Variants in EP400 observed in about 807,000 individuals in gnomAD.
EP400 encodes the protein E1A binding protein p400.
In EP400, 105 loss-of-function variants were observed where a neutral mutation model predicts 354.1. That is an observed-to-expected ratio of 0.30 (90% CI 0.25 to 0.35). The LOEUF (loss-of-function observed/expected upper bound fraction) is 0.35. Among genes scored for constraint, EP400 ranks in the 10% least tolerant of loss-of-function variants. The pLI is 1.00. For missense variants in EP400, 3,280 were observed against 4,121.0 expected (o/e 0.80, Z 5.59); for synonymous variants, 1,646 against 1,716.9 (o/e 0.96, Z 1.02).
rs1364649108 is a variant in EP400 at position 132,020,210 on chromosome 12, A to C, written c.4439A>C (p.Glu1480Ala). 6.2e-7 allele frequency: 1 copy of C among 1,602,654 alleles called. No homozygotes were observed. The highest frequency in any genetic ancestry group is 8.5e-7 in the Non-Finnish European group (1 of 1,174,846). The change falls in exon 22 of 53, where the codon GAG (glutamate) becomes GCG (alanine). Residue 1480 changes from glutamate to alanine, a missense_variant. Physicochemically the swap from Glu to Ala is moderately radical, Grantham distance 107 (BLOSUM62 -1). This residue lies in a region of EP400 where 342 missense variants were observed against 342.7 expected (regional missense o/e 1.00). Transcript: ENST00000389561. The stretch of plus-strand genomic sequence containing the variant: ...ATCGCCACGTTCTCTGCCAATCCGG[A>C]GGCAAAAGGTAGACTTCACGTAGTT... ...PPIATFSANP[E>A]AKAAAAPFQT...
At chr12:131,968,413 T>G (rs1315118749) in intron 2 of EP400, among the ~76,000 whole-genome samples, 1 of 152,230 alleles carries the variant, frequency 6.6e-6, no homozygotes, top group East Asian at 1.9e-4. Context: ...CTGGATTCTC[T>G]TCTCTTCCCG....
chr12:131,954,183 A>G (rs187676110), intron 1 of EP400, among the ~76,000 whole-genome samples: 260 of 152,206 alleles, frequency 1.7e-3, no homozygotes, highest in Admixed American at 2.7e-3. Flanking sequence ...ACATTTTACC[A>G]TACCTGCTTC....
At position 131,982,179 on chromosome 12, in the gene EP400, G is replaced by A. The variant is rs190189185; in HGVS notation, c.1630G>A (p.Val544Met). Reference protein sequence around the residue: ...QQYDPSTGPPVQNAASLHTPL... With the variant: ...QQYDPSTGPPMQNAASLHTPL... ...GTATGACCCCTCCACGGGGCCTCCC[G>A]TGCAGAACGCTGCCAGCTTGCACAC... Residue 544 changes from valine (V) to methionine (M), a missense_variant, in exon 5 of 53, where the codon GTG (valine) becomes ATG (methionine). Physicochemically the swap from Val to Met is conservative, Grantham distance 21. This residue lies in a region of EP400 where 800 missense variants were observed against 840.0 expected (regional missense o/e 0.95). Coordinates refer to ENST00000389561, the MANE Select transcript of EP400 (RefSeq NM_015409.5). The A allele has an allele frequency of 1.2e-5, 20 of 1,612,904 alleles. No individual in the cohort carries two copies. Among genetic ancestry groups the A allele is most frequent in the Non-Finnish European group, 8.5e-7 (1 of 1,179,504 alleles).
intron 43 of EP400, among the ~76,000 whole-genome samples, 157 bp downstream of exon 43, chr12:132,053,754 C>T (rs1293326997): frequency 2.0e-5 from 3 of 152,242 alleles, no homozygotes; most frequent in Admixed American, 6.5e-5. Context: ...AAGGCTTAGT[C>T]TCATCCCAGA....
At position 132,020,115 on chromosome 12, in the gene EP400, C is replaced by G; in HGVS notation, c.4344C>G (p.His1448Gln). ...EGRTVAFPSTHPPRTAAPTTA... is the reference protein window; with the variant it reads ...EGRTVAFPSTQPPRTAAPTTA... The stretch of plus-strand genomic sequence containing the variant: ...GCACCGTGGCTTTCCCCAGCACTCA[C>G]CCGCCCCGGACGGCAGCCCCCACCA... The change falls in exon 22 of 53, where the codon CAC becomes CAG. Residue 1448 changes from histidine to glutamine, a missense_variant. Coordinates refer to ENST00000389561, the MANE Select transcript of EP400 (RefSeq NM_015409.5). The G allele has an allele frequency of 6.8e-6, 11 of 1,610,392 alleles. No homozygotes were observed. Among genetic ancestry groups the G allele is most frequent in the African/African-American group, 1.3e-5 (1 of 74,954 alleles).
intron 2 of EP400, among the ~76,000 whole-genome samples, chr12:131,978,861 T>C (rs886602096): frequency 1.3e-5 from 2 of 152,132 alleles, no homozygotes; most frequent in Non-Finnish European, 2.9e-5. Flanking sequence ...TCTATTTATA[T>C]CTCTATATAT....
chr12:131,953,928 C>T (rs995520528), intron 1 of EP400, among the ~76,000 whole-genome samples: 4 of 151,574 alleles, frequency 2.6e-5, no homozygotes, highest in South Asian at 4.2e-4. Context: ...CCCTGGCCAA[C>T]GTGGTGAAAC....
rs60226464 is a variant in EP400, at chr12:132,058,353, A to ATTT, written c.7884+3162_7884+3164dup. Among the ~76,000 whole-genome samples the ATTT allele has an allele frequency of 1.3e-4, 17 of 129,560 alleles. 1 individual carries two copies. The highest frequency in any genetic ancestry group is 3.9e-4 in the African/African-American group (13 of 33,470). 85.0% of individuals were successfully genotyped at this position (129,560 alleles called of 152,430 possible). ...CTTTGGATATTGGGCTAAAGATTGG[A>ATTT]TTTTTTTTTTTTTTTTTTTGAGACA... On this transcript the variant is annotated intron_variant, in intron 45 of 52. Transcript: ENST00000389561.
Position 132,064,393 on chromosome 12 carries a change from A to G in EP400, c.8335-275A>G, listed in dbSNP as rs146193278. 2.2e-3 allele frequency among the ~76,000 whole-genome samples: 331 copies of G among 152,338 alleles called. 1 individual carries two copies. Among genetic ancestry groups the G allele is most frequent in the African/African-American group, 6.1e-3 (255 of 41,586 alleles). On this transcript the variant is annotated intron_variant, in intron 47 of 52. Coordinates refer to ENST00000389561, the MANE Select transcript of EP400 (RefSeq NM_015409.5). ...AGTTTGGTTGGTGCTACAGATTTAA[A>G]TCGACTTGTTTGTGAGGATAATAGA...
chr12:131,973,068 A>C (rs1892353358), intron 2 of EP400, among the ~76,000 whole-genome samples: 1 of 152,212 alleles, frequency 6.6e-6, no homozygotes, highest in African/African-American at 2.4e-5. Flanking sequence ...ATACCAGTTG[A>C]AACAAATGAA....
intron 12 of EP400, among the ~76,000 whole-genome samples, chr12:131,997,609 T>C (rs1326883340): frequency 6.6e-6 from 1 of 152,064 alleles, no homozygotes; most frequent in East Asian, 1.9e-4. Context: ...TACAACAAAG[T>C]AAGCTGGAGA....
chr12:132,019,663 G>A (rs1465185940), intron 21 of EP400, among the ~76,000 whole-genome samples: 1 of 152,174 alleles, frequency 6.6e-6, no homozygotes, highest in Non-Finnish European at 1.5e-5. Flanking sequence ...CACTTGAACG[G>A]CTGCTTGATC....
At chr12:132,045,024 T>TTCTGCTGTCTGCCTG (rs148248768) in intron 37 of EP400, 71 bp downstream of exon 37, 3 of 1,569,534 alleles carry the variant, frequency 1.9e-6, no homozygotes, top group Non-Finnish European at 2.6e-6. Flanking sequence ...GTCAGCCACT[T>TTCTGCTGTCTGCCTG]TCTGCTGTCT....
intron 12 of EP400, among the ~76,000 whole-genome samples, chr12:131,997,431 C>T (rs764379038): frequency 1.2e-4 from 18 of 152,012 alleles, no homozygotes; most frequent in Non-Finnish European, 2.1e-4. Flanking sequence ...CCACGCCCAG[C>T]TGATTTTTGT....
chr12:132,006,652 G>A, intron 14 of EP400, 48 bp from the exon 15 acceptor site: 2 of 1,526,388 alleles, frequency 1.3e-6, no homozygotes, highest in Non-Finnish European at 1.8e-6. Flanking sequence ...AAAAGTTTGG[G>A]TGATTATTTT....
chr12:131,980,437 A>G (rs1358430193), intron 3 of EP400, among the ~76,000 whole-genome samples: 2 of 152,204 alleles, frequency 1.3e-5, no homozygotes, highest in Non-Finnish European at 2.9e-5. Context: ...GTTCTTTATC[A>G]GTCAGATCCT....
chr12:132,076,614 G>T, intron 52 of EP400, 21 bp downstream of exon 52: 1 of 1,591,990 alleles, frequency 6.3e-7, no homozygotes, highest in East Asian at 2.2e-5. Context: ...TAGACAAAGT[G>T]GAAACCTCAC....
chr12:132,044,658 G>T lies in EP400; in HGVS notation c.6586-13G>T, dbSNP rs184328615. The stretch of plus-strand genomic sequence containing the variant: ...GACTTGGTGGAAGTCAGAGCTTGCC[G>T]TGTTCCCTACAGGAGTATGTCTACG... On this transcript the variant is annotated splice_polypyrimidine_tract_variant and intron_variant, in intron 35 of 52. Coordinates refer to ENST00000389561, the MANE Select transcript of EP400 (RefSeq NM_015409.5). 3.7e-6 allele frequency: 6 copies of T among 1,614,046 alleles called. No homozygotes were observed. The highest frequency in any genetic ancestry group is 5.1e-6 in the Non-Finnish European group (6 of 1,180,050).
chr12:132,026,226 G>A (rs1179140645), intron 25 of EP400, among the ~76,000 whole-genome samples: 4 of 152,112 alleles, frequency 2.6e-5, no homozygotes, highest in Admixed American at 6.6e-5. Context: ...CTGAGTCCCC[G>A]CTCTGTGCCT....
Sources: allele counts gnomAD v4.1 joint callset (sites outside exome capture counted in the v4.1 genomes callset), GRCh38; gene constraint gnomAD v4.1.1; regional missense constraint gnomAD v4.1.1; transcripts MANE v1.5; gene names NCBI Gene and HGNC (gene_info 2026-07-23, HGNC 2026-07-21).